Variants in TOM1L2 observed in about 807,000 individuals in gnomAD.
TOM1L2 encodes target of myb1 like 2 membrane trafficking protein.
Under a neutral mutation model 67.9 loss-of-function variants are expected in TOM1L2, and 31 were observed. The observed-to-expected ratio is 0.46, with a 90% CI of 0.34 to 0.62. TOM1L2 has a LOEUF of 0.62. Ranked by LOEUF, TOM1L2 falls within the 20% of genes least tolerant of loss-of-function variation. TOM1L2 has a pLI of 0.01. For synonymous variants in TOM1L2, 256 were observed against 254.0 expected (o/e 1.01, Z -0.07); for missense variants, 606 against 663.5 (o/e 0.91, Z 0.95).
intron 11 of TOM1L2, 89 bp from the exon 12 acceptor site, chr17:17,861,640 T>A: frequency 8.8e-7 from 1 of 1,139,100 alleles, no homozygotes; most frequent in Non-Finnish European, 1.3e-6. Flanking sequence ...ACTTCTATCC[T>A]ATGGTCCTTC....
chr17:17,859,577 C>G (rs1005514519), intron 12 of TOM1L2: 1 of 152,064 alleles, frequency 6.6e-6, no homozygotes, highest in African/African-American at 2.4e-5. Flanking sequence ...CATGGAGCAG[C>G]AAACATGAAA....
At chr17:17,958,360 T>C (rs1285715459) in intron 1 of TOM1L2, among the ~76,000 whole-genome samples, 2 of 152,146 alleles carry the variant, frequency 1.3e-5, no homozygotes, top group African/African-American at 2.4e-5. Flanking sequence ...AAAAAGTAGA[T>C]AAAACAGAAG....
At chr17:17,886,530 C>G (rs1258467129) in intron 4 of TOM1L2, among the ~76,000 whole-genome samples, 2 of 152,248 alleles carry the variant, frequency 1.3e-5, no homozygotes, top group African/African-American at 4.8e-5. Context: ...TGACGCCAAC[C>G]TCAAAATGCC....
chr17:17,853,262 TAG>T (rs1401994090), intron 12 of TOM1L2, among the ~76,000 whole-genome samples: 3 of 152,216 alleles, frequency 2.0e-5, no homozygotes, highest in Non-Finnish European at 4.4e-5. Context: ...CACTAGCGGT[TAG>T]AGTGTGCACC....
chr17:17,956,716 C>T (rs888011553), intron 1 of TOM1L2, among the ~76,000 whole-genome samples: 1 of 152,248 alleles, frequency 6.6e-6, no homozygotes, highest in Non-Finnish European at 1.5e-5. Context: ...GGCACACCCT[C>T]CGCAGCTGCT....
intron 1 of TOM1L2, among the ~76,000 whole-genome samples, chr17:17,953,870 G>A (rs116765277): frequency 1.2e-3 from 187 of 152,348 alleles, no homozygotes; most frequent in African/African-American, 4.2e-3. Flanking sequence ...GGTGCTCTAT[G>A]CATGTTCATT....
At chr17:17,855,860 C>T (rs925670326) in intron 12 of TOM1L2, among the ~76,000 whole-genome samples, 1 of 150,988 alleles carries the variant, frequency 6.6e-6, no homozygotes, top group Non-Finnish European at 1.5e-5. Flanking sequence ...CTCAATAGTA[C>T]AAAAAGTTTC....
At chr17:17,936,730 A>C (rs753790766) in intron 1 of TOM1L2, among the ~76,000 whole-genome samples, 16 of 152,174 alleles carry the variant, frequency 1.1e-4, no homozygotes, top group Middle Eastern at 3.2e-3. Flanking sequence ...AGTGGGAAAA[A>C]CAGGGCACAA....
intron 10 of TOM1L2, among the ~76,000 whole-genome samples, chr17:17,865,916 A>AT (rs2036823236): frequency 6.7e-6 from 1 of 149,910 alleles, no homozygotes; most frequent in Admixed American, 6.7e-5. Context: ...TAATTTTTGT[A>AT]TTTTTAGTAG....
chr17:17,893,882 A>C (rs1317847747), intron 3 of TOM1L2, 72 bp from the exon 4 acceptor site: 3 of 1,496,082 alleles, frequency 2.0e-6, no homozygotes, highest in Non-Finnish European at 2.7e-6. Context: ...TGAGGAGCGC[A>C]GCTGAGTTTC....
chr17:17,887,619 G>A (rs2038065893), intron 4 of TOM1L2, among the ~76,000 whole-genome samples: 1 of 152,182 alleles, frequency 6.6e-6, no homozygotes. Context: ...GGGACTATAA[G>A]CATGTGCCAC....
intron 1 of TOM1L2, among the ~76,000 whole-genome samples, chr17:17,969,258 T>C (rs2145097050): frequency 6.6e-6 from 1 of 152,144 alleles, no homozygotes; most frequent in East Asian, 1.9e-4. Context: ...GGTTTCACCA[T>C]ATTGGTCAGG....
At chr17:17,887,865 G>A (rs1479458943) in intron 4 of TOM1L2, among the ~76,000 whole-genome samples, 2 of 152,200 alleles carry the variant, frequency 1.3e-5, no homozygotes, top group Non-Finnish European at 2.9e-5. Flanking sequence ...ACTGAATTCA[G>A]TTCTCACAGT....
intron 1 of TOM1L2, among the ~76,000 whole-genome samples, chr17:17,919,544 C>T (rs554276021): frequency 3.4e-4 from 51 of 152,216 alleles, no homozygotes; most frequent in Non-Finnish European, 4.4e-4. Flanking sequence ...ACCACAATTT[C>T]CTTAAGAATC....
chr17:17,866,587 T>C (rs1248877908), intron 9 of TOM1L2, among the ~76,000 whole-genome samples, 168 bp from the exon 10 acceptor site: 1 of 152,218 alleles, frequency 6.6e-6, no homozygotes, highest in Non-Finnish European at 1.5e-5. Context: ...ATGGTGGGCC[T>C]GGATGTCAGT....
At chr17:17,850,160 A>C (rs1428978450) in intron 13 of TOM1L2, among the ~76,000 whole-genome samples, 1 of 152,206 alleles carries the variant, frequency 6.6e-6, no homozygotes, top group Non-Finnish European at 1.5e-5. Context: ...CAACTACCCC[A>C]TGACTCTGGG....
At chr17:17,949,591 A>T (rs1028257617) in intron 1 of TOM1L2, among the ~76,000 whole-genome samples, 1 of 152,256 alleles carries the variant, frequency 6.6e-6, no homozygotes, top group Non-Finnish European at 1.5e-5. Context: ...GACATATCTC[A>T]GTAAGTGTGG....
At chr17:17,904,830 C>T (rs77502635) in intron 2 of TOM1L2, among the ~76,000 whole-genome samples, 3,777 of 152,282 alleles carry the variant, frequency 0.025, 131 homozygotes, top group African/African-American at 0.08. Flanking sequence ...ACACATTTCT[C>T]CTGCCATCCT....
At chr17:17,868,035 T>C (rs573252586) in intron 8 of TOM1L2, among the ~76,000 whole-genome samples, 14 of 152,328 alleles carry the variant, frequency 9.2e-5, no homozygotes, top group African/African-American at 3.4e-4. Flanking sequence ...ACTGGGAGAC[T>C]CTTGGGTGAA....
Sources: allele counts gnomAD v4.1 joint callset (sites outside exome capture counted in the v4.1 genomes callset), GRCh38; gene constraint gnomAD v4.1.1; transcripts MANE v1.5; gene names NCBI Gene and HGNC (gene_info 2026-07-23, HGNC 2026-07-21).